The following RAP1GAP2 variants were observed in gnomAD, a reference collection of about 807,000 sequenced individuals.
RAP1GAP2 encodes rap1 GTPase-activating protein 2.
In RAP1GAP2, 27 loss-of-function variants were observed where a neutral mutation model predicts 95.0. That is an observed-to-expected ratio of 0.28 (90% CI 0.21 to 0.39). RAP1GAP2 has a LOEUF of 0.39. Among genes scored for constraint, RAP1GAP2 ranks in the 10% least tolerant of loss-of-function variants. The pLI, the probability that RAP1GAP2 is intolerant of heterozygous loss-of-function variation, is 1.00. For missense variants in RAP1GAP2, 771 were observed against 970.0 expected, an observed-to-expected ratio of 0.79 and a Z score of 2.72; for synonymous variants, 373 against 380.9, an observed-to-expected ratio of 0.98 and a Z score of 0.24.
intron 3 of RAP1GAP2, among the ~76,000 whole-genome samples, chr17:2,927,788 G>A (rs975289996): frequency 9.2e-5 from 14 of 152,146 alleles, no homozygotes; most frequent in Admixed American, 6.5e-5. Context: ...TAGAGGAAAC[G>A]CTAGCCGGCC....
intron 2 of RAP1GAP2, among the ~76,000 whole-genome samples, chr17:2,823,108 G>C (rs1477418654): frequency 6.6e-6 from 1 of 151,960 alleles, no homozygotes; most frequent in Non-Finnish European, 1.5e-5. Context: ...CAGAGGATTG[G>C]GGTGTCATGG....
At chr17:2,875,965 T>A (rs1322947783) in intron 2 of RAP1GAP2, among the ~76,000 whole-genome samples, 1 of 150,608 alleles carries the variant, frequency 6.6e-6, no homozygotes, top group Admixed American at 6.6e-5. Context: ...TGAGATGGAA[T>A]CTGGCTCTGT....
At chr17:2,961,390 C>T (rs1416288877) in intron 4 of RAP1GAP2, among the ~76,000 whole-genome samples, 1 of 152,042 alleles carries the variant, frequency 6.6e-6, no homozygotes, top group Non-Finnish European at 1.5e-5. Context: ...TGGTACATGC[C>T]TGTAATCTCA....
intron 2 of RAP1GAP2, among the ~76,000 whole-genome samples, chr17:2,900,662 G>C (rs188015334): frequency 1.2e-4 from 19 of 152,182 alleles, no homozygotes; most frequent in African/African-American, 4.3e-4. Context: ...GGCTGGTCTC[G>C]AACTCCTGAC....
At chr17:2,876,725 G>A (rs182275152) in intron 2 of RAP1GAP2, among the ~76,000 whole-genome samples, 42 of 152,186 alleles carry the variant, frequency 2.8e-4, no homozygotes, top group African/African-American at 9.9e-4. Context: ...GTCAGCTGGG[G>A]CTGAATTCCA....
At chr17:2,909,350 T>C (rs1449783833) in intron 3 of RAP1GAP2, among the ~76,000 whole-genome samples, 1 of 151,850 alleles carries the variant, frequency 6.6e-6, no homozygotes, top group Non-Finnish European at 1.5e-5. Context: ...GGGATGTAAC[T>C]CAGACCAGCC....
At chr17:2,851,761 G>A (rs1454486214) in intron 2 of RAP1GAP2, among the ~76,000 whole-genome samples, 1 of 152,094 alleles carries the variant, frequency 6.6e-6, no homozygotes, top group Non-Finnish European at 1.5e-5. Flanking sequence ...TTGGAGAGGT[G>A]GGGTCTCACT....
At chr17:2,807,752 C>T (rs1455102286) in intron 2 of RAP1GAP2, among the ~76,000 whole-genome samples, 1 of 151,984 alleles carries the variant, frequency 6.6e-6, no homozygotes, top group African/African-American at 2.4e-5. Flanking sequence ...TGGGGGAAGG[C>T]AGGCCACGTC....
intron 2 of RAP1GAP2, among the ~76,000 whole-genome samples, chr17:2,863,653 G>A (rs1019020301): frequency 6.6e-6 from 1 of 152,168 alleles, no homozygotes; most frequent in Admixed American, 6.5e-5. Flanking sequence ...GATGATACCT[G>A]TTGTCAAGAG....
In RAP1GAP2 at chr17:3,020,445, G is replaced by A. The variant is rs564709576; in HGVS notation, c.1633-32G>A. On this transcript the variant is annotated intron_variant, in intron 18 of 24. Coordinates refer to ENST00000254695, the MANE Select transcript of RAP1GAP2 (RefSeq NM_015085.5). ...GGGATAGGAGATCGGTGTTTGGGCC[G>A]GGAGCACTCATTTTGGCAATTTCAT... 25 of 1,568,330 alleles carry A rather than the reference G, an allele frequency of 1.6e-5. No individual in the cohort carries two copies. The East Asian group carries it at 3.8e-4, about 24-fold the overall frequency.
chr17:2,927,211 T>C (rs1182265590), intron 3 of RAP1GAP2, among the ~76,000 whole-genome samples: 1 of 150,582 alleles, frequency 6.6e-6, no homozygotes, highest in Non-Finnish European at 1.5e-5. Context: ...TGGAGTGCAG[T>C]GGCGCGATCT....
chr17:2,888,131 C>A (rs1338691035), intron 2 of RAP1GAP2, among the ~76,000 whole-genome samples: 1 of 152,090 alleles, frequency 6.6e-6, no homozygotes, highest in Non-Finnish European at 1.5e-5. Context: ...TTATCATGAT[C>A]ATGATTTCTA....
At chr17:2,885,775 G>A (rs2073472985) in intron 2 of RAP1GAP2, among the ~76,000 whole-genome samples, 2 of 152,190 alleles carry the variant, frequency 1.3e-5, no homozygotes, top group Non-Finnish European at 2.9e-5. Flanking sequence ...TCCTGAAGAG[G>A]GCCCCTTAAT....
chr17:2,882,866 A>G (rs2073359381), intron 2 of RAP1GAP2, among the ~76,000 whole-genome samples: 1 of 152,242 alleles, frequency 6.6e-6, no homozygotes, highest in Non-Finnish European at 1.5e-5. Context: ...GATTCGTGTC[A>G]TGTCCCCAGC....
chr17:2,844,075 C>T (rs948348039), intron 2 of RAP1GAP2, among the ~76,000 whole-genome samples: 6 of 151,972 alleles, frequency 3.9e-5, no homozygotes, highest in African/African-American at 1.2e-4. Flanking sequence ...GGCTGGAGTG[C>T]AGTGGCTCGA....
chr17:2,877,430 A>T (rs1333281332), intron 2 of RAP1GAP2, among the ~76,000 whole-genome samples: 2 of 152,170 alleles, frequency 1.3e-5, no homozygotes, highest in African/African-American at 4.8e-5. Context: ...TGTGGGACAC[A>T]TCACATCTCT....
intron 2 of RAP1GAP2, among the ~76,000 whole-genome samples, chr17:2,884,580 C>T (rs1049037924): frequency 6.6e-6 from 1 of 151,932 alleles, no homozygotes; most frequent in South Asian, 2.1e-4. Flanking sequence ...CACCATGTTG[C>T]CCAGGCTGGT....
chr17:2,954,859 T>G (rs1254898204), intron 3 of RAP1GAP2, among the ~76,000 whole-genome samples: 3 of 152,208 alleles, frequency 2.0e-5, no homozygotes, highest in Non-Finnish European at 4.4e-5. Flanking sequence ...CTCAGAGTGC[T>G]GGGATTACAG....
chr17:2,800,313 G>C (rs2069230168), intron 1 of RAP1GAP2: 1 of 856,418 alleles, frequency 1.2e-6, no homozygotes, highest in Admixed American at 6.2e-5. Context: ...TACGCATGTT[G>C]TAGGGTGGTG....
Sources: allele counts gnomAD v4.1 joint callset (sites outside exome capture counted in the v4.1 genomes callset), GRCh38; gene constraint gnomAD v4.1.1; transcripts MANE v1.5; gene names NCBI Gene and HGNC (gene_info 2026-07-23, HGNC 2026-07-21).